Variants in DCLK1 observed in about 807,000 individuals in gnomAD.
The protein encoded by DCLK1 is serine/threonine-protein kinase DCLK1.
Under a neutral mutation model 86.2 loss-of-function variants are expected in DCLK1, and 16 were observed. The ratio of observed to expected loss-of-function variants is 0.19; its 90% CI spans 0.13 to 0.28. The LOEUF (loss-of-function observed/expected upper bound fraction) is 0.28. Among genes scored for constraint, DCLK1 ranks in the 10% least tolerant of loss-of-function variants. DCLK1 has a pLI of 1.00. For missense variants in DCLK1, 590 were observed against 940.2 expected (o/e 0.63, Z 4.87); for synonymous variants, 369 against 370.5 (o/e 1.00, Z 0.05).
intron 16 of DCLK1, among the ~76,000 whole-genome samples, chr13:35,775,115 A>G (rs1012265836): frequency 2.0e-5 from 3 of 152,240 alleles, no homozygotes; most frequent in Non-Finnish European, 2.9e-5. Flanking sequence ...GGGTAGCTGC[A>G]TAATACAGAT....
intron 3 of DCLK1, among the ~76,000 whole-genome samples, chr13:36,107,118 AGGATT>A (rs1885423526): frequency 6.7e-6 from 1 of 149,884 alleles, no homozygotes; most frequent in East Asian, 2.0e-4. Flanking sequence ...ACAGGCAATG[AGGATT>A]CATGATCAAA....
At chr13:35,816,812 GT>G (rs919454151) in intron 11 of DCLK1, among the ~76,000 whole-genome samples, 3 of 151,858 alleles carry the variant, frequency 2.0e-5, no homozygotes, top group Non-Finnish European at 4.4e-5. Flanking sequence ...TACCGTTTGG[GT>G]TTTTTTTCCT....
At chr13:35,797,408 C>A (rs1187736207) in intron 15 of DCLK1, among the ~76,000 whole-genome samples, 3 of 152,128 alleles carry the variant, frequency 2.0e-5, no homozygotes, top group South Asian at 4.1e-4. Flanking sequence ...ATTTCCCAGC[C>A]CTGTCCTGGT....
At chr13:35,820,682 T>G (rs571330313) in intron 11 of DCLK1, among the ~76,000 whole-genome samples, 2 of 152,304 alleles carry the variant, frequency 1.3e-5, no homozygotes, top group Admixed American at 1.3e-4. Flanking sequence ...TGTAAGTCTG[T>G]TCCCATGAGA....
chr13:35,859,455 G>T (rs1177819805), intron 5 of DCLK1, among the ~76,000 whole-genome samples: 1 of 152,100 alleles, frequency 6.6e-6, no homozygotes, highest in East Asian at 1.9e-4. Flanking sequence ...AACATCACTG[G>T]CCACCAAAGA....
At chr13:35,783,938 ATTGT>A (rs1331113134) in intron 16 of DCLK1, among the ~76,000 whole-genome samples, 1 of 152,168 alleles carries the variant, frequency 6.6e-6, no homozygotes, top group Non-Finnish European at 1.5e-5. Flanking sequence ...ATATTTGAGA[ATTGT>A]TTATTTCAGC....
intron 3 of DCLK1, among the ~76,000 whole-genome samples, chr13:35,958,259 T>TATAATCATCACCATCATCACC (rs1593768784): frequency 4.5e-5 from 1 of 22,324 alleles, no homozygotes; most frequent in African/African-American, 3.4e-4. Context: ...CCACTACCAC[T>TATAATCATCACCATCATCACC]ACTATAACCA....
chr13:35,768,772 T>A lies in DCLK1; in HGVS notation c.*5763A>T, dbSNP rs1475959459. ...AATTATGCTCATGAAATACACACTG[T>A]GCTATGGAGGACATGTGGGAAAGCT... On this transcript the variant is annotated 3_prime_UTR_variant, in exon 17 of 17. Transcript: ENST00000360631. 1 of 152,246 alleles carries A rather than the reference T, an allele frequency of 6.6e-6. No individual in the cohort carries two copies. Among genetic ancestry groups the A allele is most frequent in the Non-Finnish European group, 1.5e-5 (1 of 68,048 alleles). The allele number at this position is 152,246 out of a possible 1,614,324, so 9.4% of individuals were successfully genotyped here. A position where few individuals can be genotyped will look rare whatever the true frequency, so the allele number is the denominator to read the frequency against.
At chr13:36,029,119 G>A (rs1014655309) in intron 3 of DCLK1, among the ~76,000 whole-genome samples, 14 of 152,128 alleles carry the variant, frequency 9.2e-5, no homozygotes, top group South Asian at 8.3e-4. Flanking sequence ...GATTCACCTC[G>A]AATTCATTCT....
intron 3 of DCLK1, among the ~76,000 whole-genome samples, chr13:36,090,013 A>G (rs1566676822): frequency 6.6e-6 from 1 of 152,220 alleles, no homozygotes; most frequent in African/African-American, 2.4e-5. Context: ...GCATTAGGTT[A>G]ATAACCTAGC....
chr13:35,799,250 G>T (rs75829436), intron 15 of DCLK1, among the ~76,000 whole-genome samples: 24,961 of 149,340 alleles, frequency 0.17, 3,136 homozygotes, highest in African/African-American at 0.35. Flanking sequence ...AGCCTCAGTT[G>T]TTTTTTTTTT....
chr13:35,854,682 T>C lies in DCLK1; in HGVS notation c.941-89A>G. 5.2e-6 allele frequency: 6 copies of C among 1,163,688 alleles called. No individual in the cohort carries two copies. In the South Asian group the frequency reaches 5.9e-5, roughly 11 times the overall value. The allele number at this position is 1,163,688 out of a possible 1,614,324, so 72.1% of individuals were successfully genotyped here. A position where few individuals can be genotyped will look rare whatever the true frequency, so the allele number is the denominator to read the frequency against. On this transcript the variant is annotated intron_variant, in intron 5 of 16. Transcript: ENST00000360631. Reference sequence around the variant, plus strand: ...ATCTTCTGCAAGAAATAAACAATTATATAGAGAGCCATCTACTAGAACTCT... The same window carrying C: ...ATCTTCTGCAAGAAATAAACAATTACATAGAGAGCCATCTACTAGAACTCT...
chr13:35,835,297 TCCC>T (rs1869277375), intron 8 of DCLK1, among the ~76,000 whole-genome samples: 1 of 151,834 alleles, frequency 6.6e-6, no homozygotes, highest in Non-Finnish European at 1.5e-5. Context: ...TGAGGCAAGT[TCCC>T]CCAACTTTGC....
intron 7 of DCLK1, among the ~76,000 whole-genome samples, chr13:35,838,504 G>A (rs193194432): frequency 6.6e-6 from 1 of 152,264 alleles, no homozygotes; most frequent in African/African-American, 2.4e-5. Flanking sequence ...GACGCAGAGA[G>A]TTGAAAATGC....
intron 16 of DCLK1, among the ~76,000 whole-genome samples, chr13:35,783,172 C>T (rs773768239): frequency 4.6e-5 from 7 of 152,204 alleles, no homozygotes; most frequent in Admixed American, 1.3e-4. Flanking sequence ...CATTACTGAG[C>T]GGTTTACTCT....
chr13:36,025,558 G>A lies in DCLK1; in HGVS notation c.724-78101C>T, dbSNP rs935683987. Among the ~76,000 whole-genome samples the A allele has an allele frequency of 3.9e-5, 6 of 152,166 alleles. No homozygotes were observed. In the South Asian group the frequency reaches 6.2e-4, roughly 16 times the overall value. Reference sequence around the variant, plus strand: ...ATGTTACTCAGCCATAAAAAGGAATGAAGTACCACTGACAGGCTATAACAT... The same window carrying A: ...ATGTTACTCAGCCATAAAAAGGAATAAAGTACCACTGACAGGCTATAACAT... On this transcript the variant is annotated intron_variant, in intron 3 of 16. Transcript: ENST00000360631.
In DCLK1 at chr13:35,771,800, T is replaced by G. The variant is rs2086338255; in HGVS notation, c.*2735A>C. On this transcript the variant is annotated 3_prime_UTR_variant, in exon 17 of 17. Coordinates refer to ENST00000360631, the MANE Select transcript of DCLK1 (RefSeq NM_001330071.2). Reference sequence around the variant, plus strand: ...TAAATTGATAATTACATAGATACACTGCCATAATGATACATATTTGTTCTA... The same window carrying G: ...TAAATTGATAATTACATAGATACACGGCCATAATGATACATATTTGTTCTA... 6.6e-6 allele frequency: 1 copy of G among 152,182 alleles called. No individual in the cohort carries two copies. Among genetic ancestry groups the G allele is most frequent in the Non-Finnish European group, 1.5e-5 (1 of 68,038 alleles). 9.4% of individuals were successfully genotyped at this position (152,182 alleles called of 1,614,324 possible).
chr13:35,821,967 C>A (rs1378402050), intron 11 of DCLK1, among the ~76,000 whole-genome samples: 5 of 151,840 alleles, frequency 3.3e-5, no homozygotes, highest in African/African-American at 1.2e-4. Flanking sequence ...AAAAATTAGT[C>A]TTTTTCAAAA....
intron 3 of DCLK1, among the ~76,000 whole-genome samples, chr13:36,019,998 G>C (rs551292829): frequency 1.4e-4 from 21 of 152,306 alleles, no homozygotes; most frequent in African/African-American, 4.8e-4. Context: ...CCAGTAATGA[G>C]TGAGTTCTCG....
Sources: allele counts gnomAD v4.1 joint callset (sites outside exome capture counted in the v4.1 genomes callset), GRCh38; gene constraint gnomAD v4.1.1; transcripts MANE v1.5; gene names NCBI Gene and HGNC (gene_info 2026-07-23, HGNC 2026-07-21).